The following IGF2R variants were observed in gnomAD, a reference collection of about 807,000 sequenced individuals.
The protein encoded by IGF2R is cation-independent mannose-6-phosphate receptor.
Under a neutral mutation model 270.6 loss-of-function variants are expected in IGF2R, and 91 were observed. The observed-to-expected ratio is 0.34, with a 90% CI of 0.28 to 0.40. The LOEUF is 0.40. IGF2R is among the 10% of genes least tolerant of loss of function. The pLI is 1.00. For synonymous variants in IGF2R, 1,316 were observed against 1,258.9 expected, an observed-to-expected ratio of 1.05 and a Z score of -0.96; for missense variants, 2,805 against 3,188.3, an observed-to-expected ratio of 0.88 and a Z score of 2.90.
chr6:160,040,416 C>T (rs1475222388), intron 10 of IGF2R, 144 bp from the exon 11 acceptor site: 4 of 633,864 alleles, frequency 6.3e-6, no homozygotes, highest in African/African-American at 5.5e-5. Flanking sequence ...CAACTCAGAT[C>T]CCCATGGTCT....
intron 4 of IGF2R, among the ~76,000 whole-genome samples, chr6:160,017,173 A>C (rs758249774): frequency 9.9e-5 from 15 of 152,252 alleles, no homozygotes; most frequent in Non-Finnish European, 1.8e-4. Context: ...TGTTTTAAAA[A>C]AATCAAGTAG....
intron 31 of IGF2R, among the ~76,000 whole-genome samples, chr6:160,070,537 A>G (rs1017042062): frequency 6.6e-6 from 1 of 152,208 alleles, no homozygotes; most frequent in African/African-American, 2.4e-5. Flanking sequence ...GAGAAGAGGT[A>G]GGAAGTGCCA....
In IGF2R at chr6:160,046,531, A is replaced by G. The variant is rs758332818; in HGVS notation, c.1937A>G (p.Lys646Arg). Residue 646 changes from lysine to arginine, a missense_variant, in exon 15 of 48, where the codon AAA (lysine) becomes AGA (arginine). Lys to Arg is a conservative substitution (Grantham distance 26). Coordinates refer to ENST00000356956, the MANE Select transcript of IGF2R (RefSeq NM_000876.4). The stretch of plus-strand genomic sequence containing the variant: ...TTTGACTTATCACCTCTCACAAAGA[A>G]AAATGGTGCCTATAAAGTTGAGACA... ...FSFDLSPLTKKNGAYKVETKK... is the reference protein window; with the variant it reads ...FSFDLSPLTKRNGAYKVETKK... The G allele has an allele frequency of 3.1e-6, 5 of 1,612,830 alleles. No individual in the cohort carries two copies. In the African/African-American group the frequency reaches 5.4e-5, roughly 17 times the overall value.
intron 44 of IGF2R, chr6:160,094,339 T>C: frequency 3.9e-6 from 1 of 259,362 alleles, no homozygotes; most frequent in Non-Finnish European, 7.6e-6. Flanking sequence ...CCAGCAAAGC[T>C]CTTTCACTGG....
chr6:160,047,011 G>T (rs908229838), intron 15 of IGF2R, 148 bp from the exon 16 acceptor site: 1 of 701,098 alleles, frequency 1.4e-6, no homozygotes, highest in Non-Finnish European at 2.4e-6. Flanking sequence ...GCTGCCGTTG[G>T]AGACCTTGTG....
At chr6:160,090,974 G>T (rs1157126336) in intron 44 of IGF2R, among the ~76,000 whole-genome samples, 1 of 147,910 alleles carries the variant, frequency 6.8e-6, no homozygotes, top group African/African-American at 2.5e-5. Context: ...GGTGCTCTGT[G>T]CCCTGGTGCT....
chr6:159,975,822 C>CACATAT (rs1273192122), intron 1 of IGF2R, among the ~76,000 whole-genome samples: 1 of 147,592 alleles, frequency 6.8e-6, no homozygotes, highest in Non-Finnish European at 1.5e-5. Context: ...TATACACACG[C>CACATAT]ACATATATAA....
intron 2 of IGF2R, chr6:160,006,648 C>T (rs980012149): frequency 2.6e-5 from 4 of 152,242 alleles, no homozygotes; most frequent in African/African-American, 2.4e-5. Flanking sequence ...TGTGGGGGCG[C>T]GCTGACTCGT....
At chr6:160,034,855 G>A (rs1161576647) in intron 10 of IGF2R, among the ~76,000 whole-genome samples, 1 of 152,176 alleles carries the variant, frequency 6.6e-6, no homozygotes, top group Non-Finnish European at 1.5e-5. Flanking sequence ...GATTCGGCAG[G>A]GGCGGGATGG....
chr6:160,091,072 G>A (rs1779212900), intron 44 of IGF2R, among the ~76,000 whole-genome samples: 1 of 114,706 alleles, frequency 8.7e-6, no homozygotes, highest in Non-Finnish European at 1.7e-5. Flanking sequence ...GCCCTGGTGC[G>A]GCTGAGAAGG....
chr6:160,096,197 A>G (rs1332286928), intron 44 of IGF2R: 4 of 388,898 alleles, frequency 1.0e-5, no homozygotes, highest in African/African-American at 6.2e-5. Context: ...CAGTCCATCA[A>G]TAAATACTCG....
In IGF2R at chr6:160,073,358, C is replaced by T. The variant is rs201938520; in HGVS notation, c.4836C>T (p.Phe1612=). 92 of 1,614,278 alleles carry T rather than the reference C, an allele frequency of 5.7e-5. No individual in the cohort carries two copies. In the South Asian group the frequency reaches 5.9e-4, roughly 10 times the overall value. The change falls in exon 34 of 48, where the codon TTC becomes TTT. Residue 1612 remains phenylalanine, a synonymous_variant. Coordinates refer to ENST00000356956, the MANE Select transcript of IGF2R (RefSeq NM_000876.4). ...SGLSYKSVIS[F]VCRPEARPTN... is the part of the protein sequence containing the mutation. ...TGAGCTATAAGAGTGTGATCAGTTT[C>T]GTGTGCAGGCCTGAGGCCAGGCCAA...
intron 1 of IGF2R, among the ~76,000 whole-genome samples, chr6:159,976,169 T>C (rs1783691652): frequency 6.6e-6 from 1 of 152,236 alleles, no homozygotes; most frequent in South Asian, 2.1e-4. Context: ...TTGATTATGG[T>C]TTTTTCTAGT....
At chr6:160,057,632 C>T (rs889699499) in intron 20 of IGF2R, among the ~76,000 whole-genome samples, 1 of 152,196 alleles carries the variant, frequency 6.6e-6, no homozygotes, top group African/African-American at 2.4e-5. Context: ...GGTCATACTT[C>T]CCATGATTAC....
Position 160,096,569 on chromosome 6 carries a change from G to A in IGF2R, c.6786G>A (p.Glu2262=), listed in dbSNP as rs1460331951. 1 of 1,614,176 alleles carries A rather than the reference G, an allele frequency of 6.2e-7. No homozygotes were observed. Among genetic ancestry groups the A allele is most frequent in the East Asian group, 2.2e-5 (1 of 44,886 alleles). The change falls in exon 45 of 48, where the codon GAG becomes GAA. Residue 2262 remains glutamate, a synonymous_variant. Coordinates refer to ENST00000356956, the MANE Select transcript of IGF2R (RefSeq NM_000876.4). ...ACGGGATCCCCGAGTTCAGTCACGAGACTGCCGACTGCCAGTACCTCTTCT... is the reference window on the plus strand; with the variant it reads ...ACGGGATCCCCGAGTTCAGTCACGAAACTGCCGACTGCCAGTACCTCTTCT... ...VEDGIPEFSH[E]TADCQYLFSW...
intron 19 of IGF2R, among the ~76,000 whole-genome samples, chr6:160,052,359 A>G (rs531613709): frequency 4.8e-4 from 73 of 152,350 alleles, no homozygotes; most frequent in Middle Eastern, 6.8e-3. Flanking sequence ...TAAAATACCT[A>G]GGAATCCAAC....
At chr6:160,043,469 C>T (rs542316973) in intron 12 of IGF2R, among the ~76,000 whole-genome samples, 181 bp downstream of exon 12, 101 of 152,322 alleles carry the variant, frequency 6.6e-4, no homozygotes, top group Non-Finnish European at 1.3e-3. Context: ...CTCTGGAATC[C>T]TGAAGTTGGC....
At chr6:160,078,421 G>A in intron 37 of IGF2R, 59 bp downstream of exon 37, 2 of 1,530,768 alleles carry the variant, frequency 1.3e-6, no homozygotes, top group South Asian at 2.3e-5. Context: ...GGTGCTGTGA[G>A]GCTGCTGGGA....
intron 45 of IGF2R, among the ~76,000 whole-genome samples, chr6:160,098,688 G>A (rs1422142633): frequency 2.0e-5 from 3 of 152,094 alleles, no homozygotes; most frequent in African/African-American, 7.2e-5. Flanking sequence ...GTGTGGTGGT[G>A]CACACCTGTA....
Sources: allele counts gnomAD v4.1 joint callset (sites outside exome capture counted in the v4.1 genomes callset), GRCh38; gene constraint gnomAD v4.1.1; transcripts MANE v1.5; gene names NCBI Gene and HGNC (gene_info 2026-07-23, HGNC 2026-07-21).